Variants in DCDC1 observed in about 807,000 individuals in gnomAD.
The protein encoded by DCDC1 is doublecortin domain containing 1.
In DCDC1, 200 loss-of-function variants were observed where a neutral mutation model predicts 178.3. That is an observed-to-expected ratio of 1.12 (90% CI 1.00 to 1.26). The LOEUF (loss-of-function observed/expected upper bound fraction) is 1.26. Among genes scored for constraint, DCDC1 ranks in the 50% most tolerant of loss-of-function variants. The probability of loss-of-function intolerance (pLI) is 0.00; values close to 1 mark genes in which losing one functional copy is unlikely to be tolerated. For synonymous variants in DCDC1, 690 were observed against 604.8 expected (o/e 1.14, Z -2.07); for missense variants, 1,983 against 1,749.2 (o/e 1.13, Z -2.38).
At chr11:31,328,724 T>C (rs1316558277) in intron 2 of DCDC1, among the ~76,000 whole-genome samples, 1 of 147,414 alleles carries the variant, frequency 6.8e-6, no homozygotes, top group Non-Finnish European at 1.5e-5. Flanking sequence ...GGCAGGAGAA[T>C]GGCAGGAACC....
intron 9 of DCDC1, among the ~76,000 whole-genome samples, chr11:31,214,006 C>A (rs561714384): frequency 6.6e-6 from 1 of 151,934 alleles, no homozygotes; most frequent in Non-Finnish European, 1.5e-5. Flanking sequence ...GGGGGGACTT[C>A]CATTTTATAA....
chr11:30,895,132 T>G (rs1944099671), intron 34 of DCDC1, among the ~76,000 whole-genome samples: 1 of 152,236 alleles, frequency 6.6e-6, no homozygotes, highest in Non-Finnish European at 1.5e-5. Flanking sequence ...TATTGATCTC[T>G]AAGCTTATTA....
chr11:30,926,506 CAGATGTAAAT>C (rs778355469), intron 22 of DCDC1, among the ~76,000 whole-genome samples: 4 of 151,970 alleles, frequency 2.6e-5, no homozygotes, highest in Non-Finnish European at 4.4e-5. Context: ...AGCTTTAGGA[CAGATGTAAAT>C]AGATGGAATT....
chr11:31,107,873 G>A (rs561625207), intron 12 of DCDC1, among the ~76,000 whole-genome samples: 11 of 152,016 alleles, frequency 7.2e-5, no homozygotes, highest in African/African-American at 1.4e-4. Flanking sequence ...TGTGTCTCTC[G>A]GTTTCTTGTT....
In DCDC1 at chr11:30,903,605, A is replaced by G; in HGVS notation, c.4387T>C (p.Phe1463Leu). Reference sequence around the variant, plus strand: ...CATAAAACCAAATCACGCAAGGTAAAGATTGGGGTTCCATCTTTGGTATAT... The same window carrying G: ...CATAAAACCAAATCACGCAAGGTAAGGATTGGGGTTCCATCTTTGGTATAT... ...KVYTKDGTPI[F>L]TLRDLVLWAL... The change falls in exon 32 of 39, where the codon TTT (phenylalanine) becomes CTT (leucine). Residue 1463 changes from phenylalanine to leucine, a missense_variant. Phe to Leu is a conservative substitution (Grantham distance 22, BLOSUM62 0). Coordinates refer to ENST00000684477, the MANE Select transcript of DCDC1 (RefSeq NM_001387274.1). The G allele has an allele frequency of 6.2e-7, 1 of 1,611,300 alleles. No homozygotes were observed. The highest frequency in any genetic ancestry group is 1.1e-5 in the South Asian group (1 of 90,302).
chr11:30,942,220 T>G (rs1421322954), intron 21 of DCDC1, among the ~76,000 whole-genome samples: 1 of 152,206 alleles, frequency 6.6e-6, no homozygotes, highest in Non-Finnish European at 1.5e-5. Context: ...CATTGTATAT[T>G]TTTATTTGAA....
At chr11:30,992,168 C>G (rs1277142743) in intron 20 of DCDC1, among the ~76,000 whole-genome samples, 14 of 152,158 alleles carry the variant, frequency 9.2e-5, no homozygotes, top group Non-Finnish European at 1.8e-4. Context: ...TGTATGTTAA[C>G]TATAAATTGC....
chr11:31,269,093 C>T (rs1444828458), intron 7 of DCDC1, among the ~76,000 whole-genome samples: 3 of 152,144 alleles, frequency 2.0e-5, no homozygotes, highest in African/African-American at 7.2e-5. Flanking sequence ...GTCATTCCTT[C>T]CTACTTGAAG....
At chr11:31,040,286 T>C (rs180863025) in intron 20 of DCDC1, among the ~76,000 whole-genome samples, 1 of 152,334 alleles carries the variant, frequency 6.6e-6, no homozygotes, top group East Asian at 1.9e-4. Context: ...CTGAATTACA[T>C]ATATTTGTGT....
At chr11:31,037,432 C>CTTTT (rs398055131) in intron 20 of DCDC1, among the ~76,000 whole-genome samples, 9 of 58,900 alleles carry the variant, frequency 1.5e-4, no homozygotes, top group Non-Finnish European at 2.2e-4. Context: ...ATATTTCTTT[C>CTTTT]TTTTTTTTTT....
At chr11:31,312,613 T>TGGCTTCCTCTGCCTTACTGCTTC (rs2137669496) in intron 3 of DCDC1, 1 of 152,330 alleles carries the variant, frequency 6.6e-6, no homozygotes, top group East Asian at 1.9e-4. Context: ...GGTTGGAATC[T>TGGCTTCCTCTGCCTTACTGCTTC]GGCTTCCTCT....
intron 22 of DCDC1, among the ~76,000 whole-genome samples, chr11:30,928,421 T>C (rs1379541037): frequency 3.3e-5 from 5 of 151,856 alleles, no homozygotes; most frequent in Non-Finnish European, 5.9e-5. Flanking sequence ...TTTTAAAAAC[T>C]GGTTTATAAT....
intron 3 of DCDC1, among the ~76,000 whole-genome samples, chr11:31,310,231 T>C (rs1948687677): frequency 6.6e-6 from 1 of 151,840 alleles, no homozygotes; most frequent in South Asian, 2.1e-4. Context: ...AAAGAGTTAA[T>C]ATTATTGGTC....
chr11:30,878,554 C>T lies in DCDC1; in HGVS notation c.*30G>A, dbSNP rs1317096025. ...TGCACATAGCTATACCAGAAAAATA[C>T]AGCAGAAAATCCGATGGTTCTGATA... On this transcript the variant is annotated 3_prime_UTR_variant, in exon 38 of 39. Coordinates refer to ENST00000684477, the MANE Select transcript of DCDC1 (RefSeq NM_001387274.1). The T allele has an allele frequency of 2.5e-6, 4 of 1,571,398 alleles. No homozygotes were observed. The highest frequency in any genetic ancestry group is 4.6e-5 in the East Asian group (2 of 43,496).
At chr11:31,143,748 A>C (rs1157708903) in intron 9 of DCDC1, among the ~76,000 whole-genome samples, 1 of 152,236 alleles carries the variant, frequency 6.6e-6, no homozygotes, top group Non-Finnish European at 1.5e-5. Flanking sequence ...AAAGAAATTC[A>C]AGAGTGCCAC....
chr11:31,246,089 T>C (rs577197369), intron 8 of DCDC1, among the ~76,000 whole-genome samples: 1 of 152,106 alleles, frequency 6.6e-6, no homozygotes, highest in South Asian at 2.1e-4. Context: ...GAAAGGGCCA[T>C]GTGCATACTG....
chr11:31,046,357 A>G (rs1954840190), intron 20 of DCDC1, among the ~76,000 whole-genome samples: 1 of 151,992 alleles, frequency 6.6e-6, no homozygotes, highest in African/African-American at 2.4e-5. Context: ...GCTTGTAAAT[A>G]TGGAGTGCTA....
intron 35 of DCDC1, among the ~76,000 whole-genome samples, chr11:30,893,958 T>C (rs1943996221): frequency 1.3e-5 from 2 of 152,196 alleles, no homozygotes; most frequent in South Asian, 4.1e-4. Flanking sequence ...TCAACATGAC[T>C]ACAATTATTA....
intron 20 of DCDC1, among the ~76,000 whole-genome samples, chr11:31,031,380 T>A (rs1953623293): frequency 1.3e-5 from 2 of 152,142 alleles, no homozygotes; most frequent in African/African-American, 4.8e-5. Flanking sequence ...ATATCTGAGA[T>A]CAAAGAGCTA....
Sources: gnomAD v4.1 joint callset for allele counts (sites outside exome capture counted in the v4.1 genomes callset) on GRCh38, gnomAD v4.1.1 for gene constraint, MANE v1.5 for transcripts, NCBI Gene and HGNC (gene_info 2026-07-23, HGNC 2026-07-21) for gene names.